Variants in TRPM6 observed in about 807,000 individuals in gnomAD.
The protein encoded by TRPM6 is transient receptor potential cation channel subfamily M member 6, also known as channel kinase 2.
In TRPM6, 111 loss-of-function variants were observed where a neutral mutation model predicts 247.6. The observed-to-expected ratio is 0.45, with a 90% CI of 0.38 to 0.52. TRPM6 has a LOEUF of 0.52. Among genes scored for constraint, TRPM6 ranks in the 20% least tolerant of loss-of-function variants. The pLI is 0.00. For missense variants in TRPM6, 2,126 were observed against 2,421.5 expected, an observed-to-expected ratio of 0.88 and a Z score of 2.56; for synonymous variants, 892 against 853.8, an observed-to-expected ratio of 1.04 and a Z score of -0.78.
intron 7 of TRPM6, among the ~76,000 whole-genome samples, chr9:74,823,019 G>A (rs1342585112): frequency 1.3e-5 from 2 of 152,132 alleles, no homozygotes; most frequent in Non-Finnish European, 2.9e-5. Context: ...TTATTCTGTA[G>A]ATTTCTTATT....
chr9:74,802,275 C>G lies in TRPM6; in HGVS notation c.1732-100G>C, dbSNP rs113151236. The G allele has an allele frequency of 4.7e-3, 5,065 of 1,075,636 alleles. 146 individuals are homozygous for G. The African/African-American group carries it at 0.069, about 15-fold the overall frequency. 66.6% of individuals were successfully genotyped at this position (1,075,636 alleles called of 1,614,324 possible). On this transcript the variant is annotated intron_variant, in intron 15 of 38. Transcript: ENST00000360774. Reference sequence around the variant, plus strand: ...GTGTCCTAGAGATTTTTTTTAATCACTACTAAAAAAGAGATGGAAATAATA... The same window carrying G: ...GTGTCCTAGAGATTTTTTTTAATCAGTACTAAAAAAGAGATGGAAATAATA...
At chr9:74,745,091 G>A (rs1362903869) in intron 31 of TRPM6, among the ~76,000 whole-genome samples, 6 of 152,246 alleles carry the variant, frequency 3.9e-5, no homozygotes, top group Admixed American at 3.9e-4. Flanking sequence ...TTAGGAGAGA[G>A]AGACAGGTAA....
Position 74,724,708 on chromosome 9 carries a change from A to C in TRPM6, c.5974T>G (p.Ser1992Ala), listed in dbSNP as rs1293683664. ...RNDYSPERIN[S>A]TFGLEIKIES... is the part of the protein sequence containing the mutation. ...ATTTTTATCTCAAGTCCAAAGGTGG[A>C]ATTTATCCTTTCAGGGGAATAGTCA... The change falls in exon 39 of 39, where the codon TCC becomes GCC. Residue 1992 changes from serine to alanine, a missense_variant. This residue lies in a region of TRPM6 where 327 missense variants were observed against 397.7 expected (regional missense o/e 0.82). Coordinates refer to ENST00000360774, the MANE Select transcript of TRPM6 (RefSeq NM_017662.5). The C allele has an allele frequency of 1.3e-5, 21 of 1,614,036 alleles. No homozygotes were observed. Among genetic ancestry groups the C allele is most frequent in the Non-Finnish European group, 1.7e-5 (20 of 1,180,028 alleles).
At chr9:74,800,564 CAT>C in intron 16 of TRPM6, 82 bp from the exon 17 acceptor site, 1 of 973,926 alleles carries the variant, frequency 1.0e-6, no homozygotes, top group Non-Finnish European at 1.6e-6. Context: ...CATTTAGAAA[CAT>C]TGTAAAAGAT....
In TRPM6 at chr9:74,776,044, T is replaced by C; in HGVS notation, c.3242A>G (p.Asn1081Ser). 1 of 1,614,090 alleles carries C rather than the reference T, an allele frequency of 6.2e-7. No homozygotes were observed. Among genetic ancestry groups the C allele is most frequent in the Non-Finnish European group, 8.5e-7 (1 of 1,179,998 alleles). The stretch of plus-strand genomic sequence containing the variant: ...ATAGCGGTTGTATTTCCACAGGTTA[T>C]TTGAAATGGATTCCATATCTAAGTA... Reference protein sequence around the residue: ...NVYLDMESISNNLWKYNRYRY... With the variant: ...NVYLDMESISSNLWKYNRYRY... The change falls in exon 24 of 39, where the codon AAT becomes AGT. Residue 1081 changes from asparagine (N) to serine (S), a missense_variant. By Grantham distance (46) the Asn-to-Ser change is conservative. This residue lies in a region of TRPM6 where 1,082 missense variants were observed against 1,307.9 expected (regional missense o/e 0.83). Transcript: ENST00000360774.
chr9:74,880,085 A>G (rs1185293639), intron 1 of TRPM6, among the ~76,000 whole-genome samples: 2 of 152,100 alleles, frequency 1.3e-5, no homozygotes, highest in Non-Finnish European at 2.9e-5. Context: ...TTGTCACAGG[A>G]GTCCTCTGTG....
chr9:74,830,360 ATTGTT>A (rs1246923699), intron 6 of TRPM6, among the ~76,000 whole-genome samples: 3 of 151,084 alleles, frequency 2.0e-5, no homozygotes, highest in African/African-American at 7.3e-5. Context: ...AATAATATGA[ATTGTT>A]TTGTTTTGGG....
In TRPM6 at chr9:74,792,003, C is replaced by T. The variant is rs374249915; in HGVS notation, c.2538+621G>A. ...CAATCTCCTGACCTTGTGATCTGCCCGCCTCGGCCTCCCAAAGTGCTGGAA... is the reference window on the plus strand; with the variant it reads ...CAATCTCCTGACCTTGTGATCTGCCTGCCTCGGCCTCCCAAAGTGCTGGAA... On this transcript the variant is annotated intron_variant, in intron 19 of 38. Coordinates refer to ENST00000360774, the MANE Select transcript of TRPM6 (RefSeq NM_017662.5). Among the ~76,000 whole-genome samples the T allele has an allele frequency of 3.0e-3, 464 of 152,272 alleles. 3 individuals are homozygous for T. Among genetic ancestry groups the T allele is most frequent in the South Asian group, 4.8e-3 (23 of 4,824 alleles).
intron 19 of TRPM6, among the ~76,000 whole-genome samples, chr9:74,790,049 C>G (rs1361466736): frequency 6.9e-6 from 1 of 145,112 alleles, no homozygotes; most frequent in East Asian, 2.1e-4. Context: ...TTCATTCTCA[C>G]AAGTCATATT....
At chr9:74,756,681 C>CAAAAAAAA (rs1217543421) in intron 27 of TRPM6, among the ~76,000 whole-genome samples, 647 of 51,706 alleles carry the variant, frequency 0.013, 20 homozygotes, top group African/African-American at 0.03. Context: ...CCCGTCTCTA[C>CAAAAAAAA]AAAAAAAAAA....
chr9:74,788,604 C>T lies in TRPM6; in HGVS notation c.2667+10G>A. 3 of 1,613,798 alleles carry T rather than the reference C, an allele frequency of 1.9e-6. No individual in the cohort carries two copies. Among genetic ancestry groups the T allele is most frequent in the Non-Finnish European group, 2.5e-6 (3 of 1,179,786 alleles). On this transcript the variant is annotated intron_variant, in intron 20 of 38. Coordinates refer to ENST00000360774, the MANE Select transcript of TRPM6 (RefSeq NM_017662.5). Reference sequence around the variant, plus strand: ...ATATGCAGAAGATAAAGGTAGATGGCATAACTCACCTCCCTGACCACCTCA... The same window carrying T: ...ATATGCAGAAGATAAAGGTAGATGGTATAACTCACCTCCCTGACCACCTCA...
At chr9:74,859,850 CT>C (rs1260475876) in intron 1 of TRPM6, among the ~76,000 whole-genome samples, 4 of 152,006 alleles carry the variant, frequency 2.6e-5, no homozygotes, top group Non-Finnish European at 5.9e-5. Context: ...GAAAGGAAGG[CT>C]TTCTAAAAGG....
At chr9:74,728,702 A>C (rs1825419374) in intron 37 of TRPM6, among the ~76,000 whole-genome samples, 1 of 152,220 alleles carries the variant, frequency 6.6e-6, no homozygotes, top group Non-Finnish European at 1.5e-5. Context: ...GTTCTACTAG[A>C]ATACCCCAAA....
At chr9:74,759,124 T>G (rs1341252348) in intron 27 of TRPM6, among the ~76,000 whole-genome samples, 3 of 152,092 alleles carry the variant, frequency 2.0e-5, no homozygotes, top group Non-Finnish European at 2.9e-5. Flanking sequence ...AAGACCTAAA[T>G]GGAGAAATAC....
At chr9:74,837,125 A>G (rs1829749946) in intron 5 of TRPM6, among the ~76,000 whole-genome samples, 1 of 152,228 alleles carries the variant, frequency 6.6e-6, no homozygotes, top group African/African-American at 2.4e-5. Flanking sequence ...CACATAGTAG[A>G]TTCTTAAGGC....
In TRPM6 at chr9:74,821,727, C is replaced by T. The variant is rs148479925; in HGVS notation, c.952G>A (p.Gly318Ser). 98 of 1,614,172 alleles carry T rather than the reference C, an allele frequency of 6.1e-5. No homozygotes were observed. The African/African-American group carries it at 1.2e-3, about 20-fold the overall frequency. Residue 318 changes from glycine (G) to serine (S), a missense_variant, in exon 8 of 39, where the codon GGC becomes AGC. Gly to Ser is a moderately conservative substitution (Grantham distance 56). Coordinates refer to ENST00000360774, the MANE Select transcript of TRPM6 (RefSeq NM_017662.5). ...KDKDPVVVCE[G>S]TGRAADLLAF... ...AGGAGGTCAGCCGCCCTACCTGTGCCCTCACACACCACCACTGGGTCCTTG... is the reference window on the plus strand; with the variant it reads ...AGGAGGTCAGCCGCCCTACCTGTGCTCTCACACACCACCACTGGGTCCTTG...
At chr9:74,735,669 A>T (rs1279864818) in intron 36 of TRPM6, among the ~76,000 whole-genome samples, 1 of 152,232 alleles carries the variant, frequency 6.6e-6, no homozygotes, top group African/African-American at 2.4e-5. Flanking sequence ...AATTGTTTTT[A>T]ATTCCTGTTG....
intron 3 of TRPM6, among the ~76,000 whole-genome samples, chr9:74,846,553 T>C (rs902888293): frequency 6.6e-6 from 1 of 152,158 alleles, no homozygotes; most frequent in Non-Finnish European, 1.5e-5. Flanking sequence ...TTTTTTTCTT[T>C]TTTTTGTGAA....
chr9:74,827,560 G>C (rs917106752), intron 7 of TRPM6: 2 of 665,124 alleles, frequency 3.0e-6, no homozygotes, highest in Admixed American at 4.3e-5. Flanking sequence ...ATCATGGAAG[G>C]ATGAAGACTT....
Sources: allele counts gnomAD v4.1 joint callset (sites outside exome capture counted in the v4.1 genomes callset), GRCh38; gene constraint gnomAD v4.1.1; regional missense constraint gnomAD v4.1.1; transcripts MANE v1.5; gene names NCBI Gene and HGNC (gene_info 2026-07-23, HGNC 2026-07-21).